Variants in PRDM10 observed in about 807,000 individuals in gnomAD.
PRDM10 encodes PR/SET domain 10.
In PRDM10, 65 loss-of-function variants were observed where a neutral mutation model predicts 133.1. The observed-to-expected ratio is 0.49, with a 90% CI of 0.40 to 0.60. PRDM10 has a LOEUF of 0.60. PRDM10 is among the 20% of genes least tolerant of loss of function. The pLI is 0.00. For synonymous variants in PRDM10, 582 were observed against 580.4 expected, an observed-to-expected ratio of 1.00 and a Z score of -0.04; for missense variants, 1,137 against 1,507.1, an observed-to-expected ratio of 0.75 and a Z score of 4.07.
At chr11:129,988,899 G>A (rs1938580691) in intron 1 of PRDM10, among the ~76,000 whole-genome samples, 1 of 152,162 alleles carries the variant, frequency 6.6e-6, no homozygotes. Flanking sequence ...AAAGTGCTGG[G>A]ATTACAGGCG....
At position 129,925,068 on chromosome 11, in the gene PRDM10, G is replaced by A. The variant is rs765622754; in HGVS notation, c.1692C>T (p.Gly564=). The change falls in exon 12 of 21, where the codon GGC becomes GGT. Residue 564 remains glycine (G), a synonymous_variant. Transcript: ENST00000360871. The part of the protein sequence containing the change: ...CPLTCDLCNK[G]FISSTSLESH... The stretch of plus-strand genomic sequence containing the variant: ...TCTCCAAGGATGTGCTGCTGATGAA[G>A]CCCTTGTTACAGAGATCACAGGTCA... The A allele has an allele frequency of 1.2e-6, 2 of 1,614,086 alleles. No homozygotes were observed. The highest frequency in any genetic ancestry group is 1.7e-6 in the Non-Finnish European group (2 of 1,180,052).
chr11:129,933,366 C>T (rs1950930113), intron 9 of PRDM10, among the ~76,000 whole-genome samples: 1 of 152,178 alleles, frequency 6.6e-6, no homozygotes, highest in African/African-American at 2.4e-5. Flanking sequence ...TCTATATCCC[C>T]ACCACTTGCC....
At chr11:130,001,335 G>A (rs1351229927) in intron 1 of PRDM10, among the ~76,000 whole-genome samples, 2 of 152,198 alleles carry the variant, frequency 1.3e-5, no homozygotes, top group African/African-American at 2.4e-5. Flanking sequence ...TACAGCGATG[G>A]AGGAGTGATA....
At position 129,906,486 on chromosome 11, in the gene PRDM10, C is replaced by T. The variant is rs997072299; in HGVS notation, c.3164-745G>A. Among the ~76,000 whole-genome samples the T allele has an allele frequency of 2.6e-5, 4 of 152,150 alleles. No individual in the cohort carries two copies. In the South Asian group the frequency reaches 6.2e-4, roughly 24 times the overall value. On this transcript the variant is annotated intron_variant, in intron 19 of 20. Transcript: ENST00000360871. The stretch of plus-strand genomic sequence containing the variant: ...CCAGGGGTCCATAACCACCATAAGA[C>T]GTGCACACACAACCCTATCACCTTG...
intron 1 of PRDM10, among the ~76,000 whole-genome samples, chr11:129,983,443 C>T (rs1489511321): frequency 6.6e-6 from 1 of 151,950 alleles, no homozygotes. Context: ...TACAGGTGCC[C>T]CCCACCGCGC....
At chr11:129,914,473 T>C in intron 17 of PRDM10, 1 of 620,394 alleles carries the variant, frequency 1.6e-6, no homozygotes, top group Non-Finnish European at 2.9e-6. Flanking sequence ...CACAGGAGGC[T>C]TGTATATGCT....
chr11:129,975,105 A>C (rs1246916391), intron 1 of PRDM10, among the ~76,000 whole-genome samples: 1 of 152,174 alleles, frequency 6.6e-6, no homozygotes, highest in Non-Finnish European at 1.5e-5. Context: ...ATGGGTGCAC[A>C]ACAATGTGAA....
In PRDM10 at chr11:129,944,989, G is replaced by A; in HGVS notation, c.544C>T (p.His182Tyr). Residue 182 changes from histidine (H) to tyrosine (Y), a missense_variant, in exon 6 of 21, where the codon CAT becomes TAT. By Grantham distance (83) the His-to-Tyr change is moderately conservative. Transcript: ENST00000360871. ...CCGTGCTTCGGACACACTGAAGCAT[G>A]CGCGTTATTGCACTCCTCACACCCT... ...DLWCEECNNAHASVCPKHGPL... is the reference protein window; with the variant it reads ...DLWCEECNNAYASVCPKHGPL... The A allele has an allele frequency of 6.2e-7, 1 of 1,612,598 alleles. No homozygotes were observed. The highest frequency in any genetic ancestry group is 8.5e-7 in the Non-Finnish European group (1 of 1,179,656).
intron 4 of PRDM10, among the ~76,000 whole-genome samples, chr11:129,948,683 G>A (rs1031643694): frequency 5.3e-5 from 8 of 152,256 alleles, no homozygotes; most frequent in African/African-American, 1.2e-4. Flanking sequence ...TAACCCTTCC[G>A]CCACAAGAAT....
At position 129,958,036 on chromosome 11, in the gene PRDM10, C is replaced by G. The variant is rs561605149; in HGVS notation, c.70-126G>C. ...GGGATGGATACACCTTTGTCTACAC[C>G]GAGGTGGTGACTAGGGGAGGATGCA... On this transcript the variant is annotated intron_variant, in intron 2 of 20. Coordinates refer to ENST00000360871, the MANE Select transcript of PRDM10 (RefSeq NM_199437.2). 11 of 1,101,188 alleles carry G rather than the reference C, an allele frequency of 1.0e-5. No homozygotes were observed. In the East Asian group the frequency reaches 2.4e-4, roughly 24 times the overall value. The allele number at this position is 1,101,188 out of a possible 1,614,324, so 68.2% of individuals were successfully genotyped here.
chr11:129,967,187 G>A (rs552619677), intron 1 of PRDM10, among the ~76,000 whole-genome samples: 7 of 152,186 alleles, frequency 4.6e-5, no homozygotes, highest in Admixed American at 2.6e-4. Context: ...TCAGGAGTTC[G>A]AGACCAGCCT....
intron 9 of PRDM10, among the ~76,000 whole-genome samples, chr11:129,934,241 G>C (rs191188783): frequency 1.5e-4 from 23 of 152,326 alleles, no homozygotes; most frequent in Non-Finnish European, 2.2e-4. Context: ...ATGCTAGTGG[G>C]CTCACTTTCA....
chr11:129,903,828 T>A (rs1466671581), intron 20 of PRDM10, among the ~76,000 whole-genome samples: 1 of 151,982 alleles, frequency 6.6e-6, no homozygotes, highest in East Asian at 1.9e-4. Flanking sequence ...GTCCATTGAC[T>A]CCTAGGGGGT....
At chr11:129,967,909 C>T (rs560649860) in intron 1 of PRDM10, among the ~76,000 whole-genome samples, 1 of 152,252 alleles carries the variant, frequency 6.6e-6, no homozygotes, top group East Asian at 1.9e-4. Context: ...CTTCACCCCA[C>T]AGCCCTACCC....
chr11:129,977,438 C>CT (rs1240318560), intron 1 of PRDM10, among the ~76,000 whole-genome samples: 1 of 152,148 alleles, frequency 6.6e-6, no homozygotes, highest in Admixed American at 6.5e-5. Context: ...CACCCGCCAC[C>CT]ATGCCCAGCT....
intron 1 of PRDM10, among the ~76,000 whole-genome samples, chr11:129,995,910 C>A (rs1281996329): frequency 6.6e-6 from 1 of 151,944 alleles, no homozygotes; most frequent in Non-Finnish European, 1.5e-5. Flanking sequence ...CATGCCACTG[C>A]ACTCCAGCCT....
intron 1 of PRDM10, among the ~76,000 whole-genome samples, chr11:130,001,838 G>C (rs1003832551): frequency 6.6e-6 from 1 of 151,948 alleles, no homozygotes; most frequent in African/African-American, 2.4e-5. Context: ...CTGCACCCTG[G>C]GTGCAGGCGG....
intron 1 of PRDM10, among the ~76,000 whole-genome samples, chr11:129,980,400 C>G (rs765993168): frequency 2.0e-4 from 30 of 152,142 alleles, no homozygotes; most frequent in Non-Finnish European, 3.8e-4. Flanking sequence ...CTCATAGGAG[C>G]AGGGACCCTG....
chr11:129,904,155 T>TTA (rs1402751441), intron 20 of PRDM10, among the ~76,000 whole-genome samples: 1 of 107,416 alleles, frequency 9.3e-6, no homozygotes, highest in Non-Finnish European at 1.9e-5. Flanking sequence ...CTCAGTATAC[T>TTA]AAAAAAAAAA....
Sources: allele counts gnomAD v4.1 joint callset (sites outside exome capture counted in the v4.1 genomes callset), GRCh38; gene constraint gnomAD v4.1.1; transcripts MANE v1.5; gene names NCBI Gene and HGNC (gene_info 2026-07-23, HGNC 2026-07-21).